AGPAT4: variants seen among roughly 807,000 people sequenced by gnomAD.
AGPAT4 encodes 1-acyl-sn-glycerol-3-phosphate acyltransferase delta.
A neutral mutation model predicts 48.0 loss-of-function variants in AGPAT4; 15 were observed. That is an observed-to-expected ratio of 0.31 (90% confidence interval 0.21 to 0.48). AGPAT4 has a LOEUF of 0.48. Ranked by LOEUF, AGPAT4 falls within the 20% of genes least tolerant of loss-of-function variation. AGPAT4 has a pLI of 0.99. For missense variants in AGPAT4, 314 were observed against 482.5 expected, an observed-to-expected ratio of 0.65 and a Z score of 3.27; for synonymous variants, 178 against 198.7, an observed-to-expected ratio of 0.90 and a Z score of 0.88.
At chr6:161,173,681 T>G (rs922683136) in intron 2 of AGPAT4, among the ~76,000 whole-genome samples, 4 of 152,258 alleles carry the variant, frequency 2.6e-5, no homozygotes, top group African/African-American at 9.6e-5. Flanking sequence ...TGGCTTTTGT[T>G]GCCATTGCTT....
rs1372975921 is a variant in AGPAT4 at position 161,166,330 on chromosome 6, T to C, written c.266A>G (p.Asn89Ser). 1.9e-6 allele frequency: 3 copies of C among 1,614,022 alleles called. No individual in the cohort carries two copies. Among genetic ancestry groups the C allele is most frequent in the Admixed American group, 3.3e-5 (2 of 60,002 alleles). ...CTTGTGGTTGAGAACCACGATGGCATTTTCCTTCCCATACTTGAGGTAGGC... is the reference window on the plus strand; with the variant it reads ...CTTGTGGTTGAGAACCACGATGGCACTTTCCTTCCCATACTTGAGGTAGGC... ...PRAYLKYGKE[N>S]AIVVLNHKFE... is the part of the protein sequence containing the mutation. Residue 89 changes from asparagine (N) to serine (S), a missense_variant, in exon 3 of 9, where the codon AAT becomes AGT. Transcript: ENST00000320285. The surrounding 1 kb of genome is among the most constrained non-coding windows in gnomAD (Gnocchi z 6.7).
chr6:161,175,401 A>G (rs1226239298), intron 2 of AGPAT4, among the ~76,000 whole-genome samples: 1 of 152,162 alleles, frequency 6.6e-6, no homozygotes, highest in South Asian at 2.1e-4. Flanking sequence ...CCAGGAATTC[A>G]TCCATTTCTT....
Position 161,231,396 on chromosome 6 carries a change from C to G in AGPAT4, c.178+640G>C, listed in dbSNP as rs1272224560. Among the ~76,000 whole-genome samples, 1 of 150,208 alleles carries G rather than the reference C, an allele frequency of 6.7e-6. No individual in the cohort carries two copies. The highest frequency in any genetic ancestry group is 2.5e-5 in the African/African-American group (1 of 39,636). On this transcript the variant is annotated intron_variant, in intron 2 of 8. Coordinates refer to ENST00000320285, the MANE Select transcript of AGPAT4 (RefSeq NM_020133.3). This position sits in a 1 kb window ranked among gnomAD's most constrained non-coding sequence, Gnocchi z 5.3. ...ACATACACACACACAAATGAGTGTA[C>G]TTAAAAGTGGAGAAATAGGAGTAGG...
rs1728139453 is a variant in AGPAT4, at chr6:161,254,270, T to C, written c.-90+19668A>G. 6.6e-6 allele frequency among the ~76,000 whole-genome samples: 1 copy of C among 152,196 alleles called. No homozygotes were observed. Among genetic ancestry groups the C allele is most frequent in the African/African-American group, 2.4e-5 (1 of 41,444 alleles). On this transcript the variant is annotated intron_variant, in intron 1 of 8. Coordinates refer to ENST00000320285, the MANE Select transcript of AGPAT4 (RefSeq NM_020133.3). The surrounding 1 kb of genome is among the most constrained non-coding windows in gnomAD (Gnocchi z 5.9). ...CTCTGTGACTTACTAGTGGACCCAT[T>C]GTACAGCTAAGAAAATAGAGGCTCA...
rs1002096266 is a variant in AGPAT4, at chr6:161,143,871, C to T, written c.843+2653G>A. 3.3e-6 allele frequency: 1 copy of T among 301,858 alleles called. No homozygotes were observed. Among genetic ancestry groups the T allele is most frequent in the African/African-American group, 2.2e-5 (1 of 45,056 alleles). The allele number at this position is 301,858 out of a possible 1,614,324, so 18.7% of individuals were successfully genotyped here. On this transcript the variant is annotated intron_variant, in intron 7 of 8. Coordinates refer to ENST00000320285, the MANE Select transcript of AGPAT4 (RefSeq NM_020133.3). This position sits in a 1 kb window ranked among gnomAD's most constrained non-coding sequence, Gnocchi z 4.7. ...TGGCACACCTCTGTTGGCTGCCTGC[C>T]ATTCCCCTCCCATTTTGCAGAAACT...
chr6:161,263,482 C>T (rs1461591872), intron 1 of AGPAT4, among the ~76,000 whole-genome samples: 1 of 152,104 alleles, frequency 6.6e-6, no homozygotes, highest in Non-Finnish European at 1.5e-5. Flanking sequence ...CAGAGCGAGA[C>T]TCTCTCGAAA....
Position 161,255,458 on chromosome 6 carries a change from C to T in AGPAT4, c.-90+18480G>A, listed in dbSNP as rs924359946. 1.3e-5 allele frequency among the ~76,000 whole-genome samples: 2 copies of T among 152,106 alleles called. No individual in the cohort carries two copies. Among genetic ancestry groups the T allele is most frequent in the Middle Eastern group, 3.2e-3 (1 of 316 alleles). ...AGCGTTGCTCTCGATAGCCAAAGGC[C>T]GAAACAGCCCCAGTGTTCATCAACT... On this transcript the variant is annotated intron_variant, in intron 1 of 8. Transcript: ENST00000320285. This position sits in a 1 kb window ranked among gnomAD's most constrained non-coding sequence, Gnocchi z 4.7.
chr6:161,231,961 A>T lies in AGPAT4; in HGVS notation c.178+75T>A. 1 of 1,436,438 alleles carries T rather than the reference A, an allele frequency of 7.0e-7. No individual in the cohort carries two copies. The highest frequency in any genetic ancestry group is 9.5e-7 in the Non-Finnish European group (1 of 1,051,272). 89.0% of individuals were successfully genotyped at this position (1,436,438 alleles called of 1,614,324 possible). On this transcript the variant is annotated intron_variant, in intron 2 of 8. Transcript: ENST00000320285. The surrounding 1 kb of genome is among the most constrained non-coding windows in gnomAD (Gnocchi z 5.3). ...TCGGCACACAACGAAAGCCTAGTGA[A>T]TCCATATCAAGAGCCATAATTCTGA...
Position 161,144,716 on chromosome 6 carries a change from C to A in AGPAT4, c.843+1808G>T, listed in dbSNP as rs113205450. Among the ~76,000 whole-genome samples, 26,579 of 152,132 alleles carry A rather than the reference C, an allele frequency of 0.17. 3,113 individuals carry two copies. The highest frequency in any genetic ancestry group is 0.34 in the African/African-American group (14,176 of 41,444). On this transcript the variant is annotated intron_variant, in intron 7 of 8. Coordinates refer to ENST00000320285, the MANE Select transcript of AGPAT4 (RefSeq NM_020133.3). This position sits in a 1 kb window ranked among gnomAD's most constrained non-coding sequence, Gnocchi z 6.6. ...ATTTTCGGCTGGGCACGGTGGCTCACGCCTGTAATCCCAGCACTTTGGGAG... is the reference window on the plus strand; with the variant it reads ...ATTTTCGGCTGGGCACGGTGGCTCAAGCCTGTAATCCCAGCACTTTGGGAG...
chr6:161,159,652 C>CT lies in AGPAT4; in HGVS notation c.349-5343dup, dbSNP rs962081478. 6.6e-6 allele frequency among the ~76,000 whole-genome samples: 1 copy of CT among 151,942 alleles called. No homozygotes were observed. The highest frequency in any genetic ancestry group is 2.4e-5 in the African/African-American group (1 of 41,372). Reference sequence around the variant, plus strand: ...ATCAAAAGGTGAGAGACTCCATTCTCTTTTTTTTGAGACGAAGTTTCACTC... The same window carrying CT: ...ATCAAAAGGTGAGAGACTCCATTCTCTTTTTTTTTGAGACGAAGTTTCACTC... On this transcript the variant is annotated intron_variant, in intron 3 of 8. Transcript: ENST00000320285. This position sits in a 1 kb window ranked among gnomAD's most constrained non-coding sequence, Gnocchi z 4.1.
At chr6:161,185,317 G>T (rs1318106756) in intron 2 of AGPAT4, among the ~76,000 whole-genome samples, 3 of 141,290 alleles carry the variant, frequency 2.1e-5, no homozygotes, top group African/African-American at 8.0e-5. Context: ...CAAAGACAGG[G>T]TCTCACTCCG....
Position 161,139,426 on chromosome 6 carries a change from AAAG to A in AGPAT4, c.1035_1037del (p.Phe346del), listed in dbSNP as rs1779177974. 6.2e-7 allele frequency: 1 copy of A among 1,613,884 alleles called. No individual in the cohort carries two copies. The highest frequency in any genetic ancestry group is 8.5e-7 in the Non-Finnish European group (1 of 1,179,882). ...AGCCCCTTGCCCTCCACTCACCCAC[AAAG>A]AAGACGAGGATGAAGCTGGCCAGCG... On this transcript the variant is annotated inframe_deletion, in exon 8 of 9. Coordinates refer to ENST00000320285, the MANE Select transcript of AGPAT4 (RefSeq NM_020133.3). This position sits in a 1 kb window ranked among gnomAD's most constrained non-coding sequence, Gnocchi z 9.1.
intron 1 of AGPAT4, among the ~76,000 whole-genome samples, chr6:161,250,206 G>A (rs1782769186): frequency 1.3e-5 from 2 of 152,170 alleles, no homozygotes; most frequent in South Asian, 2.1e-4. Flanking sequence ...CGGAGGGTGG[G>A]AGTAGGGAGA....
rs527627995 is a variant in AGPAT4 at position 161,200,319 on chromosome 6, A to G, written c.178+31717T>C. ...CGATAAGTGTTAACTAATATTTCAC[A>G]TTAAGGCCTGTGTGCCAGGTACTAT... On this transcript the variant is annotated intron_variant, in intron 2 of 8. Coordinates refer to ENST00000320285, the MANE Select transcript of AGPAT4 (RefSeq NM_020133.3). The surrounding 1 kb of genome is among the most constrained non-coding windows in gnomAD (Gnocchi z 5.5). Among the ~76,000 whole-genome samples the G allele has an allele frequency of 5.9e-5, 9 of 152,376 alleles. No individual in the cohort carries two copies. The South Asian group carries it at 1.9e-3, about 32-fold the overall frequency.
Position 161,236,400 on chromosome 6 carries a change from C to T in AGPAT4, c.-89-4098G>A, listed in dbSNP as rs1782275970. Among the ~76,000 whole-genome samples the T allele has an allele frequency of 6.6e-6, 1 of 152,160 alleles. No individual in the cohort carries two copies. Among genetic ancestry groups the T allele is most frequent in the South Asian group, 2.1e-4 (1 of 4,832 alleles). On this transcript the variant is annotated intron_variant, in intron 1 of 8. Coordinates refer to ENST00000320285, the MANE Select transcript of AGPAT4 (RefSeq NM_020133.3). The surrounding 1 kb of genome is among the most constrained non-coding windows in gnomAD (Gnocchi z 5.0). Reference sequence around the variant, plus strand: ...TGAAATGAAACAGCAGGTGTTTTCCCATCAGTGAGCTCAGAAGCAGCGTTT... The same window carrying T: ...TGAAATGAAACAGCAGGTGTTTTCCTATCAGTGAGCTCAGAAGCAGCGTTT...
At position 161,166,359 on chromosome 6, in the gene AGPAT4, C is replaced by G; in HGVS notation, c.237G>C (p.Pro79=). The G allele has an allele frequency of 1.2e-6, 2 of 1,614,020 alleles. No individual in the cohort carries two copies. Among genetic ancestry groups the G allele is most frequent in the Non-Finnish European group, 1.7e-6 (2 of 1,179,976 alleles). The part of the protein sequence containing the change: ...SGTECTIFTD[P]RAYLKYGKEN... ...CCTTCCCATACTTGAGGTAGGCGCG[C>G]GGGTCCGTGAAGATGGTGCATTCCG... The change falls in exon 3 of 9, where the codon CCG becomes CCC. Residue 79 remains proline, a synonymous_variant. Transcript: ENST00000320285. The surrounding 1 kb of genome is among the most constrained non-coding windows in gnomAD (Gnocchi z 6.7).
chr6:161,136,975 A>G (rs910727), intron 8 of AGPAT4, among the ~76,000 whole-genome samples: 69,866 of 152,106 alleles, frequency 0.46, 17,332 homozygotes, highest in African/African-American at 0.64. Context: ...TTTTGTGAAT[A>G]AGGGACAGGA....
At chr6:161,239,327 T>C (rs1356084672) in intron 1 of AGPAT4, among the ~76,000 whole-genome samples, 1 of 152,206 alleles carries the variant, frequency 6.6e-6, no homozygotes, top group African/African-American at 2.4e-5. Context: ...TTTAATGCAT[T>C]AAATTAGGCA....
In AGPAT4 at chr6:161,196,723, C is replaced by T. The variant is rs1281869512; in HGVS notation, c.179-30306G>A. 1.3e-5 allele frequency among the ~76,000 whole-genome samples: 2 copies of T among 151,124 alleles called. No individual in the cohort carries two copies. The highest frequency in any genetic ancestry group is 1.9e-4 in the East Asian group (1 of 5,150). Reference sequence around the variant, plus strand: ...ACTTGGGAGGCTGAGGCAGGAGAATCGCTTGAACCTGGGAGGCGGAGATTG... The same window carrying T: ...ACTTGGGAGGCTGAGGCAGGAGAATTGCTTGAACCTGGGAGGCGGAGATTG... On this transcript the variant is annotated intron_variant, in intron 2 of 8. Transcript: ENST00000320285. This position sits in a 1 kb window ranked among gnomAD's most constrained non-coding sequence, Gnocchi z 4.3.
Sources: allele counts gnomAD v4.1 joint callset (sites outside exome capture counted in the v4.1 genomes callset), GRCh38; gene constraint gnomAD v4.1.1; non-coding constraint Gnocchi (gnomAD v3.1); transcripts MANE v1.5; gene names NCBI Gene and HGNC (gene_info 2026-07-23, HGNC 2026-07-21).